The following ADARB2 variants were observed in gnomAD, a reference collection of about 807,000 sequenced individuals.
The protein encoded by ADARB2 is inactive double-stranded RNA-specific editase B2.
In ADARB2, 25 loss-of-function variants were observed where a neutral mutation model predicts 62.2. The ratio of observed to expected loss-of-function variants is 0.40; its 90% confidence interval spans 0.29 to 0.56. The LOEUF (loss-of-function observed/expected upper bound fraction) is 0.56, where lower values mean the gene tolerates loss of function less well. ADARB2 is among the 20% of genes least tolerant of loss of function. The probability of loss-of-function intolerance (pLI) is 0.43; values close to 1 mark genes in which losing one functional copy is unlikely to be tolerated. For missense variants in ADARB2, 1,071 were observed against 1,077.4 expected (o/e 0.99, Z 0.08); for synonymous variants, 572 against 500.8 (o/e 1.14, Z -1.90).
intron 6 of ADARB2, among the ~76,000 whole-genome samples, chr10:1,226,816 C>G (rs1023246510): frequency 1.3e-5 from 2 of 151,658 alleles, no homozygotes; most frequent in Admixed American, 6.6e-5. Flanking sequence ...GTCAGTCTGC[C>G]TCTATTGGGG....
intron 1 of ADARB2, among the ~76,000 whole-genome samples, chr10:1,461,414 C>T (rs568777215): frequency 1.3e-5 from 2 of 152,248 alleles, no homozygotes; most frequent in African/African-American, 2.4e-5. Flanking sequence ...GAATCTGACT[C>T]GTAATCCTTT....
At chr10:1,727,935 A>G (rs1835187882) in intron 1 of ADARB2, among the ~76,000 whole-genome samples, 1 of 152,270 alleles carries the variant, frequency 6.6e-6, no homozygotes, top group Non-Finnish European at 1.5e-5. Flanking sequence ...CTAAAGACAC[A>G]TATAATGTTT....
At chr10:1,559,925 G>A (rs369775169) in intron 1 of ADARB2, among the ~76,000 whole-genome samples, 51 of 152,288 alleles carry the variant, frequency 3.3e-4, no homozygotes, top group African/African-American at 9.4e-4. Flanking sequence ...GGGGAGCAGC[G>A]GGCTTCTGAT....
intron 1 of ADARB2, among the ~76,000 whole-genome samples, chr10:1,460,575 T>C (rs1310734681): frequency 3.9e-5 from 4 of 101,882 alleles, no homozygotes; most frequent in Non-Finnish European, 7.9e-5. Flanking sequence ...GCCTGTGACC[T>C]GAGTTTACCT....
chr10:1,507,762 G>A (rs1275579684), intron 1 of ADARB2, among the ~76,000 whole-genome samples: 1 of 152,196 alleles, frequency 6.6e-6, no homozygotes, highest in African/African-American at 2.4e-5. Flanking sequence ...CGGGTGTACA[G>A]TGACTTCATT....
intron 4 of ADARB2, among the ~76,000 whole-genome samples, chr10:1,254,295 G>T (rs1363649839): frequency 1.3e-5 from 2 of 152,196 alleles, no homozygotes; most frequent in Non-Finnish European, 2.9e-5. Flanking sequence ...GCCTCCTGTT[G>T]TATGGGTGAC....
chr10:1,658,313 A>T (rs986827936), intron 1 of ADARB2, among the ~76,000 whole-genome samples: 1 of 136,642 alleles, frequency 7.3e-6, no homozygotes, highest in African/African-American at 2.8e-5. Context: ...GTCTCTCTCT[A>T]TCTGATTCTG....
intron 3 of ADARB2, among the ~76,000 whole-genome samples, chr10:1,281,703 A>G (rs888436462): frequency 1.4e-4 from 21 of 152,338 alleles, no homozygotes; most frequent in African/African-American, 4.8e-4. Context: ...AGGATGTGGC[A>G]CTAGGTTCCT....
intron 3 of ADARB2, among the ~76,000 whole-genome samples, chr10:1,298,933 T>C (rs887202887): frequency 6.6e-6 from 1 of 151,428 alleles, no homozygotes; most frequent in Admixed American, 6.6e-5. Context: ...TTTGTAGAGA[T>C]GGGGTTTCAC....
chr10:1,283,827 C>G (rs1831390158), intron 3 of ADARB2, among the ~76,000 whole-genome samples: 1 of 152,180 alleles, frequency 6.6e-6, no homozygotes, highest in Non-Finnish European at 1.5e-5. Context: ...TCAGGGAAGC[C>G]TCCCTGGAAG....
At chr10:1,678,349 T>G in intron 1 of ADARB2, 2 of 985,060 alleles carry the variant, frequency 2.0e-6, no homozygotes, top group South Asian at 4.7e-5. Context: ...GTGAGGGACC[T>G]CGGAGTGAGT....
chr10:1,232,121 C>A (rs770012324), intron 6 of ADARB2, among the ~76,000 whole-genome samples: 3 of 152,104 alleles, frequency 2.0e-5, no homozygotes, highest in Non-Finnish European at 2.9e-5. Flanking sequence ...GGACTGGACT[C>A]CTCATCATAC....
rs1362209574 is a variant in ADARB2, at chr10:1,183,133, C to G, written c.*60G>C. On this transcript the variant is annotated 3_prime_UTR_variant, in exon 10 of 10. Transcript: ENST00000381312. ...ACCGGCCGACCCGCCACGTCGCCCC[C>G]CAGACACGGTCCCATCCCTCCAGCG... 4.5e-6 allele frequency: 7 copies of G among 1,570,890 alleles called. No homozygotes were observed. Among genetic ancestry groups the G allele is most frequent in the South Asian group, 2.3e-5 (2 of 87,602 alleles).
rs193019197 is a variant in ADARB2 at position 1,568,722 on chromosome 10, T to C, written c.100+168329A>G. 5.2e-3 allele frequency among the ~76,000 whole-genome samples: 787 copies of C among 152,262 alleles called. 5 individuals carry two copies. Among genetic ancestry groups the C allele is most frequent in the Middle Eastern group, 0.01 (3 of 294 alleles). ...CTTGGACAGGTAAGCAGATCTGATTTACTGACACTGGGCCCAACTCCTGAA... is the reference window on the plus strand; with the variant it reads ...CTTGGACAGGTAAGCAGATCTGATTCACTGACACTGGGCCCAACTCCTGAA... On this transcript the variant is annotated intron_variant, in intron 1 of 9. Coordinates refer to ENST00000381312, the MANE Select transcript of ADARB2 (RefSeq NM_018702.4).
chr10:1,638,856 T>A (rs1422684583), intron 1 of ADARB2, among the ~76,000 whole-genome samples: 1 of 152,208 alleles, frequency 6.6e-6, no homozygotes, highest in Non-Finnish European at 1.5e-5. Flanking sequence ...AAATGGTGTG[T>A]CGGGGGCTCA....
intron 1 of ADARB2, among the ~76,000 whole-genome samples, chr10:1,681,174 G>A (rs918430202): frequency 2.0e-5 from 3 of 152,312 alleles, no homozygotes; most frequent in African/African-American, 4.8e-5. Context: ...TCCGCCTGCA[G>A]ACACACCTCC....
At chr10:1,445,956 C>T (rs1297973935) in intron 1 of ADARB2, among the ~76,000 whole-genome samples, 6 of 152,124 alleles carry the variant, frequency 3.9e-5, no homozygotes, top group African/African-American at 7.2e-5. Context: ...GCTTTTCTTT[C>T]GATATTATAG....
At chr10:1,214,627 G>A (rs1457708455) in intron 7 of ADARB2, among the ~76,000 whole-genome samples, 2 of 152,226 alleles carry the variant, frequency 1.3e-5, no homozygotes, top group Non-Finnish European at 2.9e-5. Flanking sequence ...GGACGGCCAA[G>A]TTTCAATTCT....
intron 7 of ADARB2, among the ~76,000 whole-genome samples, chr10:1,212,156 G>A (rs770848264): frequency 3.3e-5 from 5 of 152,256 alleles, no homozygotes; most frequent in South Asian, 2.1e-4. Context: ...TATTTCATCC[G>A]TATTTGTGTA....
Sources: allele counts gnomAD v4.1 joint callset (sites outside exome capture counted in the v4.1 genomes callset), GRCh38; gene constraint gnomAD v4.1.1; transcripts MANE v1.5; gene names NCBI Gene and HGNC (gene_info 2026-07-23, HGNC 2026-07-21).